Variants in BRINP3 observed in about 807,000 individuals in gnomAD.
BRINP3 encodes BMP/retinoic acid-inducible neural-specific protein 3.
A neutral mutation model predicts 71.0 loss-of-function variants in BRINP3; 19 were observed. The ratio of observed to expected loss-of-function variants is 0.27; its 90% CI spans 0.19 to 0.39. The LOEUF is 0.39. BRINP3 is among the 10% of genes least tolerant of loss of function. The pLI is 1.00. For missense variants in BRINP3, 959 were observed against 940.8 expected (o/e 1.02, Z -0.25); for synonymous variants, 380 against 337.7 (o/e 1.13, Z -1.37).
intron 2 of BRINP3, among the ~76,000 whole-genome samples, chr1:190,341,563 G>A (rs918969431): frequency 4.6e-5 from 7 of 151,708 alleles, no homozygotes; most frequent in South Asian, 4.2e-4. Flanking sequence ...AACAAAAAAC[G>A]TGATCTATGA....
At chr1:190,338,669 TG>T (rs1558194584) in intron 2 of BRINP3, among the ~76,000 whole-genome samples, 2 of 151,980 alleles carry the variant, frequency 1.3e-5, no homozygotes, top group Non-Finnish European at 2.9e-5. Flanking sequence ...ATAAAATTGC[TG>T]TAATAGTATT....
intron 7 of BRINP3, among the ~76,000 whole-genome samples, chr1:190,103,113 C>T (rs945833454): frequency 6.6e-6 from 1 of 152,086 alleles, no homozygotes; most frequent in African/African-American, 2.4e-5. Context: ...TCTGACTTTA[C>T]AGCCATACTT....
At chr1:190,101,147 T>C (rs948970024) in intron 7 of BRINP3, among the ~76,000 whole-genome samples, 9 of 152,144 alleles carry the variant, frequency 5.9e-5, no homozygotes, top group African/African-American at 2.2e-4. Flanking sequence ...TCATTATAAT[T>C]ACCGAGTCTG....
At chr1:190,243,178 A>G (rs1659275176) in intron 4 of BRINP3, among the ~76,000 whole-genome samples, 1 of 152,112 alleles carries the variant, frequency 6.6e-6, no homozygotes, top group South Asian at 2.1e-4. Context: ...GTGATATGGA[A>G]TAAGCAAAAC....
rs112195249 is a variant in BRINP3, at chr1:190,256,822, T to G, written c.618+8043A>C. ...GAATGTTGACTACTGGCCCCCACTG[T>G]TTTCTGGCTTGTAGAGTTTCTGCAG... On this transcript the variant is annotated intron_variant, in intron 4 of 7. Coordinates refer to ENST00000367462, the MANE Select transcript of BRINP3 (RefSeq NM_199051.3). Among the ~76,000 whole-genome samples, 426 of 152,358 alleles carry G rather than the reference T, an allele frequency of 2.8e-3. 5 individuals are homozygous for G. The highest frequency in any genetic ancestry group is 9.7e-3 in the African/African-American group (402 of 41,586).
chr1:190,137,955 T>A (rs1047711697), intron 7 of BRINP3, among the ~76,000 whole-genome samples: 9 of 152,052 alleles, frequency 5.9e-5, no homozygotes, highest in Admixed American at 5.2e-4. Context: ...CCTAGTTTTT[T>A]TTTTTTGTTT....
chr1:190,261,168 G>C (rs1300196498), intron 4 of BRINP3, among the ~76,000 whole-genome samples: 3 of 151,778 alleles, frequency 2.0e-5, no homozygotes, highest in African/African-American at 7.3e-5. Flanking sequence ...AATGTATTGT[G>C]TTTTTCTCAT....
intron 3 of BRINP3, among the ~76,000 whole-genome samples, chr1:190,265,401 G>A (rs983608236): frequency 1.3e-5 from 2 of 151,858 alleles, no homozygotes; most frequent in Non-Finnish European, 2.9e-5. Flanking sequence ...GGCATAAAAT[G>A]AAACTGTATT....
chr1:190,117,038 T>C (rs1435381023), intron 7 of BRINP3, among the ~76,000 whole-genome samples: 1 of 152,060 alleles, frequency 6.6e-6, no homozygotes, highest in Non-Finnish European at 1.5e-5. Flanking sequence ...TCCTCCTTCA[T>C]ACAAAACATA....
intron 2 of BRINP3, among the ~76,000 whole-genome samples, chr1:190,379,423 T>C (rs1047140837): frequency 6.6e-6 from 1 of 152,078 alleles, no homozygotes; most frequent in Non-Finnish European, 1.5e-5. Flanking sequence ...CTTGAGATTA[T>C]TGCTATGGAG....
intron 2 of BRINP3, among the ~76,000 whole-genome samples, chr1:190,445,928 T>A (rs1232630996): frequency 6.6e-6 from 1 of 152,174 alleles, no homozygotes; most frequent in African/African-American, 2.4e-5. Context: ...TAACTAGCAA[T>A]CTTGTTTATT....
intron 6 of BRINP3, among the ~76,000 whole-genome samples, chr1:190,224,669 A>C (rs1048401396): frequency 1.3e-5 from 2 of 152,024 alleles, no homozygotes; most frequent in East Asian, 3.9e-4. Flanking sequence ...TCTGTACAGT[A>C]AACAATCAGC....
chr1:190,209,852 A>ACATTAATTCTGC (rs1163626280), intron 6 of BRINP3, among the ~76,000 whole-genome samples: 2 of 152,144 alleles, frequency 1.3e-5, no homozygotes, highest in Non-Finnish European at 2.9e-5. Flanking sequence ...TATAAATTAC[A>ACATTAATTCTGC]CATTAATTCT....
At chr1:190,342,806 T>C (rs1667750953) in intron 2 of BRINP3, 1 of 151,760 alleles carries the variant, frequency 6.6e-6, no homozygotes, top group Admixed American at 6.6e-5. Flanking sequence ...TGTACATTTT[T>C]AGGAAAAAAA....
At chr1:190,263,289 T>A (rs936846035) in intron 4 of BRINP3, among the ~76,000 whole-genome samples, 3 of 152,154 alleles carry the variant, frequency 2.0e-5, no homozygotes, top group East Asian at 3.9e-4. Context: ...CTGGCTACAT[T>A]TTTATCTGTA....
intron 3 of BRINP3, among the ~76,000 whole-genome samples, chr1:190,280,447 C>T (rs1027510729): frequency 5.3e-5 from 8 of 151,504 alleles, no homozygotes; most frequent in African/African-American, 1.9e-4. Context: ...GAGAAGGGAC[C>T]ATTTGAGTAT....
chr1:190,342,380 A>AAC (rs1425702610), intron 2 of BRINP3: 1 of 150,876 alleles, frequency 6.6e-6, no homozygotes, highest in East Asian at 2.0e-4. Context: ...CTGTGCAAAA[A>AAC]AAAAAAAAAA....
intron 6 of BRINP3, among the ~76,000 whole-genome samples, chr1:190,220,184 A>T (rs1656752200): frequency 6.6e-6 from 1 of 152,118 alleles, no homozygotes; most frequent in South Asian, 2.1e-4. Context: ...TGAAAAAGAG[A>T]GAATCCTAAA....
At chr1:190,100,581 A>G (rs1651617245) in intron 7 of BRINP3, among the ~76,000 whole-genome samples, 1 of 152,196 alleles carries the variant, frequency 6.6e-6, no homozygotes, top group Admixed American at 6.5e-5. Flanking sequence ...TAAACTGAAT[A>G]TTTAATACAC....
Sources: gnomAD v4.1 joint callset for allele counts (sites outside exome capture counted in the v4.1 genomes callset) on GRCh38, gnomAD v4.1.1 for gene constraint, MANE v1.5 for transcripts, NCBI Gene and HGNC (gene_info 2026-07-23, HGNC 2026-07-21) for gene names.